The following CCDC160 variants were observed in gnomAD, a reference collection of about 807,000 sequenced individuals.
CCDC160 encodes coiled-coil domain containing 160, also known as coiled-coil domain-containing protein 160.
For missense variants in CCDC160, 227 were observed against 215.6 expected, an observed-to-expected ratio of 1.05 and a Z score of -0.33; for synonymous variants, 94 against 79.4, an observed-to-expected ratio of 1.18 and a Z score of -0.98.
At position 134,244,907 on chromosome X, in the gene CCDC160, C is replaced by T. The variant is rs375551602; in HGVS notation, c.107C>T (p.Thr36Met). ...GAGCCTGAATCTTCTTCTGAACAAA[C>T]GACTGCAGATAGCAGCAAGGGAATG... The change falls in exon 2 of 2, where the codon ACG (threonine) becomes ATG (methionine). Residue 36 changes from threonine (T) to methionine (M), a missense_variant. Thr to Met is a moderately conservative substitution (Grantham distance 81). Transcript: ENST00000370809. The T allele has an allele frequency of 6.0e-5, 72 of 1,202,818 alleles. No individual in the cohort carries two copies. The highest frequency in any genetic ancestry group is 7.6e-5 in the Non-Finnish European group (68 of 891,611).
At position 134,245,481 on chromosome X, in the gene CCDC160, C is replaced by T. The variant is rs200151083; in HGVS notation, c.681C>T (p.Ala227=). The T allele has an allele frequency of 7.6e-6, 9 of 1,189,731 alleles. No homozygotes were observed. In the East Asian group the frequency reaches 2.7e-4, roughly 36 times the overall value. Reference sequence around the variant, plus strand: ...ACTTAAGTGAACAGCTCCAGCAAGCCAAAGAAGTCATCCACAAATTGAACC... The same window carrying T: ...ACTTAAGTGAACAGCTCCAGCAAGCTAAAGAAGTCATCCACAAATTGAACC... The change falls in exon 2 of 2, where the codon GCC becomes GCT. Residue 227 remains alanine (A), a synonymous_variant. Transcript: ENST00000370809.
chrX:134,245,485 G>A, exon 2 of CCDC160: 5 of 1,192,710 alleles, frequency 4.2e-6, no homozygotes, highest in Non-Finnish European at 5.6e-6. Flanking sequence ...GCAAGCCAAA[G>A]AAGTCATCCA....
exon 2 of CCDC160, chrX:134,244,940 T>A: frequency 7.5e-6 from 9 of 1,203,093 alleles, no homozygotes; most frequent in Non-Finnish European, 1.0e-5. Flanking sequence ...ATGGAAGAAA[T>A]TTATAATTTG....
At chrX:134,238,067 C>T (rs1310511813) in intron 1 of CCDC160, among the ~76,000 whole-genome samples, 4 of 111,853 alleles carry the variant, frequency 3.6e-5, no homozygotes, top group African/African-American at 1.3e-4. Context: ...AAATTAACTA[C>T]ACTCTGAGGG....
At chrX:134,238,539 A>T (rs1251551632) in intron 1 of CCDC160, among the ~76,000 whole-genome samples, 1 of 108,228 alleles carries the variant, frequency 9.2e-6, no homozygotes, top group Non-Finnish European at 1.9e-5. Flanking sequence ...CGCCCGGCTA[A>T]TTTTTGTATT....
chrX:134,246,587 T>C (rs1002724617), downstream of CCDC160, among the ~76,000 whole-genome samples: 3 of 112,036 alleles, frequency 2.7e-5, no homozygotes, highest in Non-Finnish European at 5.6e-5. Flanking sequence ...TGTGGTGAAG[T>C]TGGATGTCAT....
intron 1 of CCDC160, chrX:134,243,363 G>A: frequency 6.7e-6 from 5 of 751,646 alleles, no homozygotes; most frequent in Non-Finnish European, 6.3e-6. Flanking sequence ...GGGATGGTGA[G>A]TCCCTTCCAT....
chrX:134,243,776 T>C (rs2077034175), intron 1 of CCDC160, among the ~76,000 whole-genome samples: 1 of 111,847 alleles, frequency 8.9e-6, no homozygotes, highest in South Asian at 3.8e-4. Flanking sequence ...ATGAATAAAG[T>C]GACCCTCTCC....
At chrX:134,240,664 C>CTTTTTTTTTT (rs3045487) in intron 1 of CCDC160, among the ~76,000 whole-genome samples, 2 of 27,165 alleles carry the variant, frequency 7.4e-5, no homozygotes, top group Non-Finnish European at 1.3e-4. Context: ...AAACCAAATT[C>CTTTTTTTTTT]TTTTTTTTTT....
downstream of CCDC160, among the ~76,000 whole-genome samples, chrX:134,246,404 G>A (rs939639113): frequency 2.7e-5 from 3 of 111,630 alleles, no homozygotes; most frequent in East Asian, 2.8e-4. Flanking sequence ...ACTACAAGAC[G>A]ACTTAGAGAC....
At position 134,239,959 on chromosome X, in the gene CCDC160, TC is replaced by T. The variant is rs746837850; in HGVS notation, c.-25+2620del. ...TTCTCAGGAACTTCCTTTTCCTTCT[TC>T]CCCACAATGTTGCATGGTAAAACAT... On this transcript the variant is annotated intron_variant, in intron 1 of 1. Transcript: ENST00000370809. 1.1e-4 allele frequency among the ~76,000 whole-genome samples: 12 copies of T among 111,985 alleles called. No individual in the cohort carries two copies. In the East Asian group the frequency reaches 3.4e-3, roughly 31 times the overall value.
At chrX:134,237,616 G>GA (rs1331107420) in intron 1 of CCDC160, among the ~76,000 whole-genome samples, 2 of 111,943 alleles carry the variant, frequency 1.8e-5, no homozygotes, top group African/African-American at 6.5e-5. Context: ...TGGGGAGGTG[G>GA]AAAGTGTCAC....
chrX:134,242,545 GAGAC>G (rs2077030439), intron 1 of CCDC160, among the ~76,000 whole-genome samples: 1 of 108,443 alleles, frequency 9.2e-6, no homozygotes, highest in African/African-American at 3.4e-5. Flanking sequence ...TCAGGGAAGA[GAGAC>G]AGTGAAAATT....
rs774391998 is a variant in CCDC160, at chrX:134,237,938, A to G, written c.-25+595A>G. 2.7e-5 allele frequency among the ~76,000 whole-genome samples: 3 copies of G among 112,015 alleles called. No homozygotes were observed. In the South Asian group the frequency reaches 1.1e-3, roughly 42 times the overall value. On this transcript the variant is annotated intron_variant, in intron 1 of 1. Coordinates refer to ENST00000370809, the Ensembl canonical transcript of CCDC160. ...CTTCCCCCTCAATAGCTGCCAAGCA[A>G]TAGAGAAGACAATTTGTCCCGGGAA...
intron 1 of CCDC160, among the ~76,000 whole-genome samples, 195 bp downstream of exon 2, chrX:134,239,035 G>A (rs1191551426): frequency 8.9e-6 from 1 of 111,927 alleles, no homozygotes; most frequent in Non-Finnish European, 1.9e-5. Flanking sequence ...AAAAATAAAA[G>A]TGCTTTCTCT....
At position 134,245,263 on chromosome X, in the gene CCDC160, G is replaced by A. The variant is rs760370263; in HGVS notation, c.463G>A (p.Glu155Lys). 4.2e-6 allele frequency: 5 copies of A among 1,191,072 alleles called. No individual in the cohort carries two copies. In the African/African-American group the frequency reaches 5.3e-5, roughly 13 times the overall value. The change falls in exon 2 of 2, where the codon GAA (glutamate) becomes AAA (lysine). Residue 155 changes from glutamate (E) to lysine (K), a missense_variant. Physicochemically the swap from Glu to Lys is moderately conservative, Grantham distance 56. Transcript: ENST00000370809. ...CCTGAATCTTTTGAATGAAGAACTG[G>A]AAGAACTTAATATGAAATACAGAAA...
chrX:134,240,639 G>C (rs1442458077), intron 1 of CCDC160, among the ~76,000 whole-genome samples: 3 of 97,850 alleles, frequency 3.1e-5, no homozygotes, highest in African/African-American at 1.1e-4. Flanking sequence ...GAAGAGAGAT[G>C]GTCCTGAAAA....
exon 2 of CCDC160, chrX:134,245,163 T>A: frequency 8.3e-7 from 1 of 1,197,986 alleles, no homozygotes; most frequent in Non-Finnish European, 1.1e-6. Flanking sequence ...CTACCTGCAG[T>A]ACAGATAACT....
chrX:134,246,570 C>T (rs905359641), downstream of CCDC160, among the ~76,000 whole-genome samples: 1 of 111,913 alleles, frequency 8.9e-6, no homozygotes, highest in Non-Finnish European at 1.9e-5. Context: ...CACAAGTTGG[C>T]GGGGACTGTG....
Sources: gnomAD v4.1 joint callset for allele counts (sites outside exome capture counted in the v4.1 genomes callset) on GRCh38, gnomAD v4.1.1 for gene constraint, MANE v1.5 for transcripts, NCBI Gene and HGNC (gene_info 2026-07-23, HGNC 2026-07-21) for gene names.